MMP26: variants seen among roughly 807,000 people sequenced by gnomAD.
MMP26 encodes matrix metalloproteinase-26.
MMP26 carries 33 observed loss-of-function variants against 31.0 expected under a neutral mutation model. The observed-to-expected ratio is 1.06, with a 90% confidence interval of 0.81 to 1.42. The LOEUF is 1.42. MMP26 is among the 40% of genes most tolerant of loss of function. The probability of loss-of-function intolerance (pLI) is 0.00; values close to 1 mark genes in which losing one functional copy is unlikely to be tolerated. For synonymous variants in MMP26, 122 were observed against 114.9 expected, an observed-to-expected ratio of 1.06 and a Z score of -0.40; for missense variants, 347 against 316.1, an observed-to-expected ratio of 1.10 and a Z score of -0.74.
intron 1 of MMP26, among the ~76,000 whole-genome samples, chr11:4,724,531 C>T (rs1848069861): frequency 1.3e-5 from 2 of 152,266 alleles, no homozygotes; most frequent in South Asian, 4.1e-4. Context: ...TTACTATTTC[C>T]CTTGTGAAAC....
intron 1 of MMP26, among the ~76,000 whole-genome samples, chr11:4,740,468 G>C (rs1011218770): frequency 3.9e-5 from 6 of 152,050 alleles, no homozygotes; most frequent in Non-Finnish European, 7.4e-5. Flanking sequence ...CGGATCACAA[G>C]GTCAGGAGTT....
intron 1 of MMP26, among the ~76,000 whole-genome samples, chr11:4,726,049 A>G (rs1848094383): frequency 6.6e-6 from 1 of 152,222 alleles, no homozygotes; most frequent in African/African-American, 2.4e-5. Context: ...TCACCAGACC[A>G]AAAGAACCTC....
chr11:4,716,203 A>T (rs1643975623), intron 1 of MMP26, among the ~76,000 whole-genome samples: 1 of 152,218 alleles, frequency 6.6e-6, no homozygotes, highest in Non-Finnish European at 1.5e-5. Flanking sequence ...AATTAAGAAC[A>T]TGGTACTGGC....
At chr11:4,838,938 G>C (rs1332671845) in intron 2 of MMP26, among the ~76,000 whole-genome samples, 3 of 152,096 alleles carry the variant, frequency 2.0e-5, no homozygotes, top group Non-Finnish European at 2.9e-5. Context: ...CGCTGCCCCT[G>C]TCATCAGGCA....
intron 1 of MMP26, among the ~76,000 whole-genome samples, chr11:4,753,552 G>A (rs1272957470): frequency 6.6e-6 from 1 of 152,014 alleles, no homozygotes; most frequent in Non-Finnish European, 1.5e-5. Flanking sequence ...TATTCAGTAT[G>A]CATTTGTCAC....
chr11:4,985,618 T>C (rs766417422), intron 2 of MMP26, among the ~76,000 whole-genome samples: 3 of 152,206 alleles, frequency 2.0e-5, no homozygotes, highest in Non-Finnish European at 2.9e-5. Context: ...TTTGACCACA[T>C]ACATTACCAT....
At chr11:4,812,248 A>T (rs1849360070) in intron 2 of MMP26, among the ~76,000 whole-genome samples, 1 of 152,186 alleles carries the variant, frequency 6.6e-6, no homozygotes, top group Admixed American at 6.6e-5. Flanking sequence ...GTATATGTAT[A>T]TGTGTAATAT....
In MMP26 at chr11:4,898,554, G is replaced by A. The variant is rs115705193; in HGVS notation, c.-144-89514G>A. On this transcript the variant is annotated intron_variant, in intron 2 of 7. Coordinates refer to ENST00000380390, the MANE Select transcript of MMP26 (RefSeq NM_021801.5). ...TTCAGGACTTTCTCATTGTTTCTATGGGGATTAATGTATTTAATATCTTTC... is the reference window on the plus strand; with the variant it reads ...TTCAGGACTTTCTCATTGTTTCTATAGGGATTAATGTATTTAATATCTTTC... 9.6e-3 allele frequency among the ~76,000 whole-genome samples: 1,460 copies of A among 152,070 alleles called. 27 individuals carry two copies. The highest frequency in any genetic ancestry group is 0.033 in the African/African-American group (1,370 of 41,474).
At chr11:4,725,102 G>GC (rs1848080852) in intron 1 of MMP26, among the ~76,000 whole-genome samples, 1 of 152,124 alleles carries the variant, frequency 6.6e-6, no homozygotes, top group Admixed American at 6.5e-5. Context: ...TCCTTCTTCA[G>GC]CCATGTGAAG....
intron 2 of MMP26, among the ~76,000 whole-genome samples, chr11:4,895,315 A>G (rs74054636): frequency 6.6e-6 from 1 of 152,126 alleles, no homozygotes; most frequent in East Asian, 1.9e-4. Context: ...TCTTATAATT[A>G]CTTGAAACCA....
chr11:4,754,726 A>G (rs1396637470), intron 1 of MMP26, among the ~76,000 whole-genome samples: 2 of 152,026 alleles, frequency 1.3e-5, no homozygotes, highest in Admixed American at 6.6e-5. Flanking sequence ...CTATTTCTGT[A>G]TACTTTCAAC....
intron 2 of MMP26, among the ~76,000 whole-genome samples, chr11:4,958,357 T>C (rs1846472924): frequency 6.6e-6 from 1 of 152,260 alleles, no homozygotes; most frequent in Non-Finnish European, 1.5e-5. Context: ...TATTTTTTGC[T>C]TCTTTCTAGA....
intron 2 of MMP26, among the ~76,000 whole-genome samples, chr11:4,810,505 C>A (rs1247273039): frequency 1.3e-5 from 2 of 152,156 alleles, no homozygotes; most frequent in Admixed American, 6.5e-5. Flanking sequence ...TACACACATT[C>A]TGTGAAGGCA....
intron 2 of MMP26, chr11:4,973,948 C>G (rs957454442): frequency 6.6e-6 from 1 of 151,896 alleles, no homozygotes; most frequent in African/African-American, 2.4e-5. Flanking sequence ...ATAAGTAGAT[C>G]GGCTCAAATG....
intron 2 of MMP26, chr11:4,822,354 G>A (rs1267030817): frequency 6.7e-7 from 1 of 1,485,918 alleles, no homozygotes; most frequent in Non-Finnish European, 9.0e-7. Flanking sequence ...TCTTAATTCA[G>A]AAGCACTCCA....
intron 2 of MMP26, chr11:4,860,372 GGAAGTAAT>G (rs1564795761): frequency 4.2e-6 from 2 of 471,238 alleles, no homozygotes; most frequent in Admixed American, 4.7e-5. Context: ...AAGATAGAAA[GGAAGTAAT>G]ACGTGGGCTC....
intron 2 of MMP26, among the ~76,000 whole-genome samples, chr11:4,921,587 T>C (rs1158362397): frequency 1.3e-5 from 2 of 152,198 alleles, no homozygotes; most frequent in African/African-American, 2.4e-5. Context: ...TGTGTGAGCA[T>C]GTAAGCACTG....
chr11:4,980,236 G>A (rs370381367), intron 2 of MMP26, among the ~76,000 whole-genome samples: 18 of 151,920 alleles, frequency 1.2e-4, no homozygotes, highest in African/African-American at 4.1e-4. Flanking sequence ...GTCCTCTTCC[G>A]GCCATTTGGT....
intron 1 of MMP26, among the ~76,000 whole-genome samples, chr11:4,734,068 C>T (rs895482941): frequency 6.6e-6 from 1 of 152,062 alleles, no homozygotes; most frequent in Non-Finnish European, 1.5e-5. Context: ...ATTTAGTTTG[C>T]TATATTTAAT....
Sources: gnomAD v4.1 joint callset for allele counts (sites outside exome capture counted in the v4.1 genomes callset) on GRCh38, gnomAD v4.1.1 for gene constraint, MANE v1.5 for transcripts, NCBI Gene and HGNC (gene_info 2026-07-23, HGNC 2026-07-21) for gene names.